Variants in PAQR5 observed in about 807,000 individuals in gnomAD.
PAQR5 encodes membrane progestin receptor gamma.
PAQR5 carries 20 observed loss-of-function variants against 34.5 expected under a neutral mutation model. That is an observed-to-expected ratio of 0.58 (90% CI 0.41 to 0.84). The LOEUF is 0.84. Ranked by LOEUF, PAQR5 falls within the 40% of genes least tolerant of loss-of-function variation. PAQR5 has a pLI of 0.00. For synonymous variants in PAQR5, 131 were observed against 155.6 expected, an observed-to-expected ratio of 0.84 and a Z score of 1.18; for missense variants, 378 against 412.7, an observed-to-expected ratio of 0.92 and a Z score of 0.73.
chr15:69,346,297 ATTT>A (rs34728909), intron 2 of PAQR5, among the ~76,000 whole-genome samples: 15 of 81,492 alleles, frequency 1.8e-4, no homozygotes, highest in African/African-American at 7.0e-4. Context: ...ATATTTTGTA[ATTT>A]TTTTTTTTTT....
Position 69,341,677 on chromosome 15 carries a change from C to T in PAQR5, c.-116+4176C>T, listed in dbSNP as rs543350584. On this transcript the variant is annotated intron_variant, in intron 2 of 8. Transcript: ENST00000395407. Reference sequence around the variant, plus strand: ...TGGTTTAGAAATACCTGCTTCAGGCCGTCGCACCTGTAATCCCAGTACTTC... The same window carrying T: ...TGGTTTAGAAATACCTGCTTCAGGCTGTCGCACCTGTAATCCCAGTACTTC... 9.9e-5 allele frequency among the ~76,000 whole-genome samples: 15 copies of T among 151,926 alleles called. No homozygotes were observed. The South Asian group carries it at 1.7e-3, about 17-fold the overall frequency.
rs1017005966 is a variant in PAQR5 at position 69,385,768 on chromosome 15, GCACTGACACA to G, written c.385+900_385+909del. Among the ~76,000 whole-genome samples, 4 of 151,730 alleles carry G rather than the reference GCACTGACACA, an allele frequency of 2.6e-5. No homozygotes were observed. Among genetic ancestry groups the G allele is most frequent in the South Asian group, 2.1e-4 (1 of 4,796 alleles). On this transcript the variant is annotated intron_variant, in intron 5 of 8. Coordinates refer to ENST00000395407, the MANE Select transcript of PAQR5 (RefSeq NM_017705.4). This position sits in a 1 kb window ranked among gnomAD's most constrained non-coding sequence, Gnocchi z 4.7. Reference sequence around the variant, plus strand: ...CACACTCACACAAACACACACTCATGCACTGACACACACTGACACACACACATACAATGCA... The same window carrying G: ...CACACTCACACAAACACACACTCATGCACTGACACACACACATACAATGCA...
In PAQR5 at chr15:69,405,096, CTG is replaced by C; in HGVS notation, c.*1275_*1276del. On this transcript the variant is annotated 3_prime_UTR_variant, in exon 9 of 9. Coordinates refer to ENST00000395407, the MANE Select transcript of PAQR5 (RefSeq NM_017705.4). ...TTCTACTCTGAATAGTTCTAAAACA[CTG>C]AGCATTTTCTCATTTGTTGCATTAC... 1 of 398,368 alleles carries C rather than the reference CTG, an allele frequency of 2.5e-6. No homozygotes were observed. The highest frequency in any genetic ancestry group is 2.1e-5 in the African/African-American group (1 of 48,754). 24.7% of individuals were successfully genotyped at this position (398,368 alleles called of 1,614,324 possible).
chr15:69,369,492 C>G (rs1013414914), intron 3 of PAQR5, among the ~76,000 whole-genome samples: 2 of 151,278 alleles, frequency 1.3e-5, no homozygotes, highest in Non-Finnish European at 2.9e-5. Flanking sequence ...GCCAAGATAA[C>G]ACCAATGCAC....
chr15:69,340,827 G>A (rs2054621467), intron 2 of PAQR5, among the ~76,000 whole-genome samples: 1 of 152,326 alleles, frequency 6.6e-6, no homozygotes, highest in African/African-American at 2.4e-5. Context: ...AGGGTGGATT[G>A]AACTAGTCTG....
At chr15:69,377,320 G>C (rs549853360) in intron 3 of PAQR5, among the ~76,000 whole-genome samples, 1 of 152,270 alleles carries the variant, frequency 6.6e-6, no homozygotes, top group Admixed American at 6.5e-5. Context: ...TCCTCCACAG[G>C]ATCAAAGGCT....
chr15:69,368,072 T>TC (rs397734084), intron 3 of PAQR5, among the ~76,000 whole-genome samples: 2 of 151,514 alleles, frequency 1.3e-5, no homozygotes, highest in African/African-American at 4.9e-5. Flanking sequence ...CTTTTTTTTT[T>TC]AGACCAAGTC....
Position 69,360,150 on chromosome 15 carries a change from A to G in PAQR5, c.51+19A>G. On this transcript the variant is annotated intron_variant, in intron 3 of 8. Transcript: ENST00000395407. ...ACCCCAGGTATGTGCTCTATTGATT[A>G]TGATGGTTCATTTCCAGAGTGTGAC... The G allele has an allele frequency of 6.3e-7, 1 of 1,597,052 alleles. No individual in the cohort carries two copies. The highest frequency in any genetic ancestry group is 8.6e-7 in the Non-Finnish European group (1 of 1,164,670).
At chr15:69,347,025 T>C (rs2054792985) in intron 2 of PAQR5, among the ~76,000 whole-genome samples, 1 of 152,124 alleles carries the variant, frequency 6.6e-6, no homozygotes, top group African/African-American at 2.4e-5. Context: ...TTTCACCACG[T>C]TGGCCAGGCC....
chr15:69,301,150 C>T (rs1034348075), intron 1 of PAQR5, among the ~76,000 whole-genome samples: 1 of 151,416 alleles, frequency 6.6e-6, no homozygotes, highest in African/African-American at 2.4e-5. Flanking sequence ...ATTACAGGCG[C>T]CTGCCACCAA....
chr15:69,401,991 C>T lies in PAQR5; in HGVS notation c.752-1590C>T, dbSNP rs189762406. 6.1e-3 allele frequency among the ~76,000 whole-genome samples: 933 copies of T among 152,336 alleles called. 3 individuals are homozygous for T. The highest frequency in any genetic ancestry group is 0.027 in the Middle Eastern group (8 of 294). ...TCAAGCACTCCTCCTGCCTTGGCCT[C>T]CCAAAGTGCTGGGATTACAGGTGTG... On this transcript the variant is annotated intron_variant, in intron 8 of 8. Coordinates refer to ENST00000395407, the MANE Select transcript of PAQR5 (RefSeq NM_017705.4).
intron 3 of PAQR5, among the ~76,000 whole-genome samples, chr15:69,371,065 G>A (rs1054408687): frequency 2.6e-5 from 4 of 152,036 alleles, no homozygotes; most frequent in Non-Finnish European, 5.9e-5. Flanking sequence ...TTATAGTGTT[G>A]TAATCGACAT....
chr15:69,399,959 T>G lies in PAQR5; in HGVS notation c.610-15T>G. 1.2e-6 allele frequency: 2 copies of G among 1,610,926 alleles called. No homozygotes were observed. The highest frequency in any genetic ancestry group is 1.7e-6 in the Non-Finnish European group (2 of 1,178,376). ...CTGTCCTCTCAAGACCTGATGTTTCTTTAAACACCTGCAGCTATTCCTGTT... is the reference window on the plus strand; with the variant it reads ...CTGTCCTCTCAAGACCTGATGTTTCGTTAAACACCTGCAGCTATTCCTGTT... On this transcript the variant is annotated splice_polypyrimidine_tract_variant and intron_variant, in intron 7 of 8. Coordinates refer to ENST00000395407, the MANE Select transcript of PAQR5 (RefSeq NM_017705.4).
intron 5 of PAQR5, among the ~76,000 whole-genome samples, chr15:69,388,449 A>C (rs937723): frequency 1 from 151,864 of 152,382 alleles, 75,674 homozygotes; most frequent in Middle Eastern, 1. Flanking sequence ...CTGGAACCTG[A>C]CTCAGGCTCT....
rs190697230 is a variant in PAQR5, at chr15:69,300,966, T to C, written c.-277+1910T>C. Among the ~76,000 whole-genome samples, 131 of 62,472 alleles carry C rather than the reference T, an allele frequency of 2.1e-3. 1 individual carries two copies. Among genetic ancestry groups the C allele is most frequent in the African/African-American group, 5.5e-3 (80 of 14,646 alleles). 41.0% of individuals were successfully genotyped at this position (62,472 alleles called of 152,430 possible). Reference sequence around the variant, plus strand: ...TTCTTTCCTTCTTTCTTTCTTTCTTTCTTTCTTTCTTTCTTTCTTTCTTTC... The same window carrying C: ...TTCTTTCCTTCTTTCTTTCTTTCTTCCTTTCTTTCTTTCTTTCTTTCTTTC... On this transcript the variant is annotated intron_variant, in intron 1 of 8. Transcript: ENST00000395407.
chr15:69,374,681 A>G (rs1430533516), intron 3 of PAQR5, among the ~76,000 whole-genome samples: 1 of 152,118 alleles, frequency 6.6e-6, no homozygotes, highest in Admixed American at 6.6e-5. Flanking sequence ...TGTCTCAATA[A>G]TAATAATGAT....
chr15:69,389,733 G>T lies in PAQR5; in HGVS notation c.465G>T (p.Leu155=), dbSNP rs1490212278. The T allele has an allele frequency of 6.2e-7, 1 of 1,614,190 alleles. No homozygotes were observed. Residue 155 remains leucine, a synonymous_variant, in exon 6 of 9, where the codon CTG becomes CTT. Coordinates refer to ENST00000395407, the MANE Select transcript of PAQR5 (RefSeq NM_017705.4). ...CTTFHDYYVA[L]AVLNTILSTG... ...CTTTCCATGACTACTACGTGGCCCT[G>T]GCTGTACTGAACACCATCCTCAGCA... is the stretch of plus-strand genomic sequence containing the variant.
intron 1 of PAQR5, among the ~76,000 whole-genome samples, chr15:69,332,113 T>C (rs1297222068): frequency 6.6e-6 from 1 of 152,186 alleles, no homozygotes; most frequent in African/African-American, 2.4e-5. Context: ...AAACTATTGG[T>C]CTCCTCTGCA....
chr15:69,350,241 A>C (rs1340146777), intron 2 of PAQR5, among the ~76,000 whole-genome samples: 1 of 152,236 alleles, frequency 6.6e-6, no homozygotes, highest in African/African-American at 2.4e-5. Flanking sequence ...TCTCGTGCAG[A>C]TCTATGGCAT....
Sources: gnomAD v4.1 joint callset for allele counts (sites outside exome capture counted in the v4.1 genomes callset) on GRCh38, gnomAD v4.1.1 for gene constraint, Gnocchi (gnomAD v3.1) non-coding constraint, MANE v1.5 for transcripts, NCBI Gene and HGNC (gene_info 2026-07-23, HGNC 2026-07-21) for gene names.